Variants in SMYD3 observed in about 807,000 individuals in gnomAD.
SMYD3 encodes SET and MYND domain containing 3.
Under a neutral mutation model 57.7 loss-of-function variants are expected in SMYD3, and 36 were observed. The ratio of observed to expected loss-of-function variants is 0.62; its 90% CI spans 0.48 to 0.82. SMYD3 has a LOEUF of 0.82. Among genes scored for constraint, SMYD3 ranks in the 40% least tolerant of loss-of-function variants. SMYD3 has a pLI of 0.00. For missense variants in SMYD3, 515 were observed against 538.8 expected (o/e 0.96, Z 0.44); for synonymous variants, 211 against 195.0 (o/e 1.08, Z -0.68).
intron 5 of SMYD3, among the ~76,000 whole-genome samples, chr1:246,072,281 T>TCTTTGCATCCTGTTAGTTCTGG (rs2060467927): frequency 7.0e-6 from 1 of 143,720 alleles, no homozygotes; most frequent in African/African-American, 2.5e-5. Context: ...GTGCTCACTG[T>TCTTTGCATCCTGTTAGTTCTGG]GGATGCATCG....
chr1:245,773,781 A>T (rs2046430833), intron 10 of SMYD3, among the ~76,000 whole-genome samples: 1 of 152,238 alleles, frequency 6.6e-6, no homozygotes, highest in South Asian at 2.1e-4. Context: ...AAAAAATGGT[A>T]ATGAGATATT....
intron 5 of SMYD3, among the ~76,000 whole-genome samples, chr1:246,173,425 A>G (rs755777050): frequency 7.9e-5 from 12 of 152,246 alleles, no homozygotes; most frequent in Non-Finnish European, 1.8e-4. Context: ...AATTAAGCTT[A>G]GCTTACTGTA....
intron 10 of SMYD3, among the ~76,000 whole-genome samples, chr1:245,853,511 G>T (rs141147495): frequency 6.6e-6 from 1 of 152,200 alleles, no homozygotes; most frequent in African/African-American, 2.4e-5. Context: ...CGCTGGGCGC[G>T]TGGCTGCACC....
At chr1:246,194,667 G>A (rs2148340028) in intron 5 of SMYD3, among the ~76,000 whole-genome samples, 1 of 152,260 alleles carries the variant, frequency 6.6e-6, no homozygotes, top group Non-Finnish European at 1.5e-5. Flanking sequence ...ACCACATGTA[G>A]CTATTTAAAT....
In SMYD3 at chr1:245,767,994, G is replaced by A. The variant is rs141137346; in HGVS notation, c.1077-3845C>T. Among the ~76,000 whole-genome samples, 867 of 152,302 alleles carry A rather than the reference G, an allele frequency of 5.7e-3. 6 individuals are homozygous for A. The highest frequency in any genetic ancestry group is 0.019 in the African/African-American group (774 of 41,562). On this transcript the variant is annotated intron_variant, in intron 10 of 11. Coordinates refer to ENST00000490107, the MANE Select transcript of SMYD3 (RefSeq NM_001167740.2). ...GAAAAGAAGGACTTGGTACAAGAAA[G>A]GTTATGCAGCTGATTTAACAGAATC... is the stretch of plus-strand genomic sequence containing the variant.
chr1:246,303,444 A>C (rs1377466677), intron 5 of SMYD3, among the ~76,000 whole-genome samples: 2 of 152,220 alleles, frequency 1.3e-5, no homozygotes, highest in Non-Finnish European at 2.9e-5. Flanking sequence ...TACTATGTGC[A>C]TATAGCCTGT....
intron 10 of SMYD3, among the ~76,000 whole-genome samples, chr1:245,831,749 G>T (rs6661995): frequency 6.6e-6 from 1 of 152,100 alleles, no homozygotes; most frequent in Admixed American, 6.5e-5. Flanking sequence ...CACTGACAAG[G>T]GAACAGAAAA....
rs2048603984 is a variant in SMYD3 at position 245,813,321 on chromosome 1, TTC to T, written c.1076+45173_1076+45174del. Reference sequence around the variant, plus strand: ...AGCCACCGCACCAGGCCTAGACAGCTTCTTTCATTTGAAAATGTTCTCTTAGA... The same window carrying T: ...AGCCACCGCACCAGGCCTAGACAGCTTTTCATTTGAAAATGTTCTCTTAGA... On this transcript the variant is annotated intron_variant, in intron 10 of 11. Coordinates refer to ENST00000490107, the MANE Select transcript of SMYD3 (RefSeq NM_001167740.2). 2.0e-5 allele frequency among the ~76,000 whole-genome samples: 3 copies of T among 152,130 alleles called. No individual in the cohort carries two copies. The South Asian group carries it at 6.2e-4, about 32-fold the overall frequency.
intron 5 of SMYD3, among the ~76,000 whole-genome samples, chr1:246,143,264 G>A (rs1458417184): frequency 6.6e-6 from 1 of 152,078 alleles, no homozygotes; most frequent in African/African-American, 2.4e-5. Context: ...CAAGAAATAC[G>A]TCTTCCCAAA....
chr1:246,397,432 A>G (rs1037316544), intron 1 of SMYD3, among the ~76,000 whole-genome samples: 1 of 152,140 alleles, frequency 6.6e-6, no homozygotes, highest in Non-Finnish European at 1.5e-5. Context: ...TAACTATTTC[A>G]GATGATACCT....
intron 5 of SMYD3, among the ~76,000 whole-genome samples, chr1:246,049,463 A>ATTT (rs35899131): frequency 2.8e-5 from 4 of 142,866 alleles, no homozygotes; most frequent in Non-Finnish European, 4.6e-5. Context: ...CGCCTGGCTA[A>ATTT]TTTTTTTTTT....
At chr1:246,204,965 C>T (rs1046271553) in intron 5 of SMYD3, among the ~76,000 whole-genome samples, 3 of 152,218 alleles carry the variant, frequency 2.0e-5, no homozygotes, top group Non-Finnish European at 4.4e-5. Flanking sequence ...TCTTTTACAT[C>T]TGTTAGCCTG....
intron 7 of SMYD3, among the ~76,000 whole-genome samples, chr1:245,919,828 C>A (rs1376765036): frequency 6.6e-6 from 1 of 152,122 alleles, no homozygotes; most frequent in African/African-American, 2.4e-5. Flanking sequence ...AATATTAATG[C>A]CATTGACCAC....
At chr1:246,441,929 C>T (rs1362437113) in intron 1 of SMYD3, among the ~76,000 whole-genome samples, 1 of 152,196 alleles carries the variant, frequency 6.6e-6, no homozygotes, top group African/African-American at 2.4e-5. Context: ...TCTTTACTAT[C>T]TTTGATGTTC....
intron 5 of SMYD3, among the ~76,000 whole-genome samples, chr1:245,961,925 C>T (rs550642153): frequency 3.9e-4 from 59 of 152,264 alleles, no homozygotes; most frequent in African/African-American, 1.4e-3. Flanking sequence ...ATAAACTGCA[C>T]GGTTATTACA....
intron 5 of SMYD3, among the ~76,000 whole-genome samples, chr1:246,159,621 G>T (rs997594395): frequency 3.3e-5 from 5 of 152,176 alleles, no homozygotes; most frequent in African/African-American, 1.2e-4. Context: ...GCACTGGCCT[G>T]TGATAAGCCA....
intron 1 of SMYD3, among the ~76,000 whole-genome samples, chr1:246,414,738 GAT>G (rs2067032320): frequency 1.3e-5 from 1 of 76,860 alleles, no homozygotes; most frequent in African/African-American, 5.2e-5. Flanking sequence ...TTTTTTTTGA[GAT>G]AGAGTCTTGC....
At chr1:246,094,705 T>A (rs915476061) in intron 5 of SMYD3, among the ~76,000 whole-genome samples, 12 of 152,232 alleles carry the variant, frequency 7.9e-5, no homozygotes, top group Admixed American at 3.3e-4. Flanking sequence ...CACTCCTGGC[T>A]GTCCCTCAGG....
chr1:246,504,703 G>A (rs10218592), intron 1 of SMYD3, among the ~76,000 whole-genome samples: 71,239 of 152,016 alleles, frequency 0.47, 17,615 homozygotes, highest in African/African-American at 0.61. Flanking sequence ...AAGGACAGGG[G>A]CAGTTAGGAG....
Sources: allele counts gnomAD v4.1 joint callset (sites outside exome capture counted in the v4.1 genomes callset), GRCh38; gene constraint gnomAD v4.1.1; transcripts MANE v1.5; gene names NCBI Gene and HGNC (gene_info 2026-07-23, HGNC 2026-07-21).